Variants in PABPC4L observed in about 807,000 individuals in gnomAD.
The protein encoded by PABPC4L is polyadenylate-binding protein 4-like.
For synonymous variants in PABPC4L, 169 were observed against 164.1 expected (o/e 1.03, Z -0.23); for missense variants, 452 against 451.4 (o/e 1.00, Z -0.01).
At chr4:134,142,258 T>C in the PABPC4L span, among the ~76,000 whole-genome samples, 1 of 151,798 alleles carries the variant, frequency 6.6e-6, no homozygotes, top group African/African-American at 2.4e-5. Context: ...CTATTTCTGC[T>C]GATCTTTCAA....
At chr4:134,124,079 C>A in the PABPC4L span, among the ~76,000 whole-genome samples, 6 of 152,042 alleles carry the variant, frequency 3.9e-5, no homozygotes, top group Non-Finnish European at 7.4e-5. Context: ...AGGGGTAATT[C>A]TATGGTTGAC....
the PABPC4L span, chr4:133,977,904 A>G: frequency 5.3e-5 from 8 of 152,236 alleles, no homozygotes; most frequent in African/African-American, 1.9e-4. Flanking sequence ...TTCCATTTCT[A>G]TTAGAATAAA....
Position 134,197,646 on chromosome 4 carries a change from T to C in PABPC4L, c.*2261A>G, listed in dbSNP as rs1288160288. On this transcript the variant is annotated 3_prime_UTR_variant, in exon 2 of 2. Transcript: ENST00000421491. ...CCAACAGGAAAATAAATTATGATCATGAGACATTAACTTATAAGTATGAAA... is the reference window on the plus strand; with the variant it reads ...CCAACAGGAAAATAAATTATGATCACGAGACATTAACTTATAAGTATGAAA... 1 of 151,742 alleles carries C rather than the reference T, an allele frequency of 6.6e-6. No individual in the cohort carries two copies. The highest frequency in any genetic ancestry group is 2.4e-5 in the African/African-American group (1 of 41,428). The allele number at this position is 151,742 out of a possible 1,614,324, so 9.4% of individuals were successfully genotyped here. A position where few individuals can be genotyped will look rare whatever the true frequency, so the allele number is the denominator to read the frequency against.
chr4:133,987,027 C>G, the PABPC4L span, among the ~76,000 whole-genome samples: 92 of 152,232 alleles, frequency 6.0e-4, no homozygotes, highest in African/African-American at 2.2e-3. Context: ...TGAACCACCG[C>G]ACCTGGCTGA....
At position 134,199,746 on chromosome 4, in the gene PABPC4L, G is replaced by GA. The variant is rs952496957; in HGVS notation, c.*160dup. 5.7e-5 allele frequency: 51 copies of GA among 899,438 alleles called. No homozygotes were observed. The highest frequency in any genetic ancestry group is 7.0e-4 in the Middle Eastern group (2 of 2,838). The allele number at this position is 899,438 out of a possible 1,614,324, so 55.7% of individuals were successfully genotyped here. On this transcript the variant is annotated 3_prime_UTR_variant, in exon 2 of 2. Coordinates refer to ENST00000421491, the MANE Select transcript of PABPC4L (RefSeq NM_001114734.2). ...AAGCTCCATCTATTTTTCCACAAAA[G>GA]AAAAAAAATGGCTTTGTATAAAAAA...
At chr4:134,153,672 G>A in the PABPC4L span, among the ~76,000 whole-genome samples, 2 of 151,514 alleles carry the variant, frequency 1.3e-5, no homozygotes, top group Non-Finnish European at 2.9e-5. Context: ...TCTTAAGATA[G>A]AGTCTTGATC....
At chr4:134,173,765 C>T in the PABPC4L span, among the ~76,000 whole-genome samples, 1 of 152,024 alleles carries the variant, frequency 6.6e-6, no homozygotes, top group Admixed American at 6.6e-5. Context: ...GATGCATAAG[C>T]CAATTACCCT....
In PABPC4L at chr4:134,200,960, A is replaced by G. The variant is rs1302076675; in HGVS notation, c.60T>C (p.Asp20=). Residue 20 remains aspartate, a synonymous_variant, in exon 2 of 2, where the codon GAT becomes GAC. Coordinates refer to ENST00000421491, the MANE Select transcript of PABPC4L (RefSeq NM_001114734.2). Reference sequence around the variant, plus strand: ...TCCTGAACAGCAGGTCCTCGGTGACATCTGCATGTAAGTCACCCACATACA... The same window carrying G: ...TCCTGAACAGCAGGTCCTCGGTGACGTCTGCATGTAAGTCACCCACATACA... The part of the protein sequence containing the change: ...ASLYVGDLHA[D]VTEDLLFRKF... The G allele has an allele frequency of 6.4e-7, 1 of 1,554,788 alleles. No homozygotes were observed.
chr4:134,157,911 T>C, the PABPC4L span, among the ~76,000 whole-genome samples: 2 of 151,878 alleles, frequency 1.3e-5, no homozygotes, highest in Non-Finnish European at 3.0e-5. Context: ...ATATTTTTAA[T>C]GTTTTATGCA....
the PABPC4L span, among the ~76,000 whole-genome samples, chr4:134,043,468 T>C: frequency 2.6e-5 from 4 of 152,178 alleles, no homozygotes; most frequent in Non-Finnish European, 5.9e-5. Context: ...AAAATACTAT[T>C]ATGTTGGTGC....
the PABPC4L span, among the ~76,000 whole-genome samples, chr4:134,150,430 A>G: frequency 6.6e-6 from 1 of 152,106 alleles, no homozygotes; most frequent in Non-Finnish European, 1.5e-5. Context: ...AATATGGAGT[A>G]TGTCTTTGTT....
At chr4:134,120,575 G>A in the PABPC4L span, among the ~76,000 whole-genome samples, 1 of 150,754 alleles carries the variant, frequency 6.6e-6, no homozygotes, top group Non-Finnish European at 1.5e-5. Context: ...TGTTTGAAAC[G>A]TCTTTATTAT....
At chr4:134,008,870 T>C in the PABPC4L span, among the ~76,000 whole-genome samples, 1 of 151,806 alleles carries the variant, frequency 6.6e-6, no homozygotes, top group South Asian at 2.1e-4. Context: ...AAATAACCTA[T>C]TGAGGTTCAA....
the PABPC4L span, among the ~76,000 whole-genome samples, chr4:134,126,640 A>G: frequency 1.3e-5 from 2 of 152,030 alleles, no homozygotes; most frequent in Non-Finnish European, 2.9e-5. Flanking sequence ...AAACTTCCAA[A>G]TTGTAATTTT....
chr4:133,957,586 G>A, the PABPC4L span, among the ~76,000 whole-genome samples: 5 of 152,300 alleles, frequency 3.3e-5, no homozygotes, highest in African/African-American at 1.2e-4. Context: ...CAGTGCCCCA[G>A]TAGAGACTCT....
chr4:134,108,952 C>G, the PABPC4L span, among the ~76,000 whole-genome samples: 1 of 151,824 alleles, frequency 6.6e-6, no homozygotes, highest in Non-Finnish European at 1.5e-5. Context: ...GAACTTTACC[C>G]CATGGACATT....
chr4:134,031,885 G>A, the PABPC4L span, among the ~76,000 whole-genome samples: 77,197 of 151,620 alleles, frequency 0.51, 20,891 homozygotes, highest in East Asian at 0.93. Context: ...AGAATGAGGA[G>A]AAATTGTTCT....
At chr4:134,182,951 A>AT in the PABPC4L span, among the ~76,000 whole-genome samples, 1 of 152,028 alleles carries the variant, frequency 6.6e-6, no homozygotes, top group Non-Finnish European at 1.5e-5. Context: ...AAAAGTCACA[A>AT]AATAACAGAT....
rs1301570111 is a variant in PABPC4L at position 134,200,688 on chromosome 4, T to C, written c.332A>G (p.Asn111Ser). The change falls in exon 2 of 2, where the codon AAC becomes AGC. Residue 111 changes from asparagine to serine, a missense_variant. By Grantham distance (46) the Asn-to-Ser change is conservative. Transcript: ENST00000421491. ...FIKNLDKSID[N>S]KTLYEHFSAF... is the part of the protein sequence containing the mutation. ...TGAAAAATGTTCATAAAGGGTTTTG[T>C]TATCGATAGATTTGTCCAGATTCTT... The C allele has an allele frequency of 3.9e-6, 6 of 1,551,566 alleles. 1 individual carries two copies. Among genetic ancestry groups the C allele is most frequent in the Admixed American group, 2.0e-5 (1 of 50,972 alleles).
Sources: gnomAD v4.1 joint callset for allele counts (sites outside exome capture counted in the v4.1 genomes callset) on GRCh38, gnomAD v4.1.1 for gene constraint, MANE v1.5 for transcripts, NCBI Gene and HGNC (gene_info 2026-07-23, HGNC 2026-07-21) for gene names.